Variants in SOX6 observed in about 807,000 individuals in gnomAD.
SOX6 encodes the protein transcription factor SOX-6.
SOX6 carries 11 observed loss-of-function variants against 97.8 expected under a neutral mutation model. The observed-to-expected ratio is 0.11, with a 90% CI of 0.07 to 0.19. SOX6 has a LOEUF of 0.19. Ranked by LOEUF, SOX6 falls within the 10% of genes least tolerant of loss-of-function variation. The pLI is 1.00. For synonymous variants in SOX6, 360 were observed against 371.4 expected (o/e 0.97, Z 0.35); for missense variants, 810 against 1,039.5 (o/e 0.78, Z 3.04).
At chr11:16,533,674 G>A (rs1234425760) in intron 4 of SOX6, among the ~76,000 whole-genome samples, 2 of 151,982 alleles carry the variant, frequency 1.3e-5, no homozygotes, top group Non-Finnish European at 1.5e-5. Flanking sequence ...TGGGATGCAC[G>A]TTTGAACAGG....
chr11:16,717,330 C>A (rs1480643090), intron 2 of SOX6, among the ~76,000 whole-genome samples: 1 of 152,022 alleles, frequency 6.6e-6, no homozygotes, highest in Non-Finnish European at 1.5e-5. Flanking sequence ...AAATTTAGAA[C>A]TTTCATATTA....
chr11:16,713,823 GCTA>G (rs1848198290), intron 3 of SOX6, among the ~76,000 whole-genome samples: 1 of 152,154 alleles, frequency 6.6e-6, no homozygotes, highest in African/African-American at 2.4e-5. Flanking sequence ...AAATCAGGCA[GCTA>G]CTAAATCATC....
chr11:16,521,140 C>A (rs1352308230), intron 4 of SOX6, among the ~76,000 whole-genome samples: 1 of 152,188 alleles, frequency 6.6e-6, no homozygotes, highest in Admixed American at 6.5e-5. Flanking sequence ...GTTCTCCCAG[C>A]ATGCAGCTGG....
intron 4 of SOX6, among the ~76,000 whole-genome samples, chr11:16,512,254 C>A (rs1434989727): frequency 2.6e-5 from 4 of 152,190 alleles, no homozygotes; most frequent in African/African-American, 9.7e-5. Flanking sequence ...TGGGGGATAT[C>A]TTAACTTTTT....
intron 3 of SOX6, among the ~76,000 whole-genome samples, chr11:16,258,157 GT>G (rs1853755366): frequency 6.6e-6 from 1 of 151,772 alleles, no homozygotes; most frequent in African/African-American, 2.4e-5. Context: ...CACTTTGGCA[GT>G]TTCTTATAAA....
intron 12 of SOX6, chr11:16,031,464 T>C (rs966870077): frequency 6.6e-6 from 1 of 152,204 alleles, no homozygotes; most frequent in Admixed American, 6.5e-5. Context: ...GGTTAATTCT[T>C]ATGCGGCTTT....
intron 3 of SOX6, among the ~76,000 whole-genome samples, chr11:16,689,145 T>C (rs1847992548): frequency 6.6e-6 from 1 of 152,218 alleles, no homozygotes; most frequent in Non-Finnish European, 1.5e-5. Flanking sequence ...ATTCTTTCCC[T>C]GGACGAGAAT....
At chr11:16,416,915 T>C (rs578047452) in intron 1 of SOX6, among the ~76,000 whole-genome samples, 3 of 152,176 alleles carry the variant, frequency 2.0e-5, no homozygotes, top group Non-Finnish European at 2.9e-5. Context: ...AAGTATTCCA[T>C]AGAACAATAC....
At chr11:16,386,518 T>C (rs1857991861) in intron 1 of SOX6, among the ~76,000 whole-genome samples, 1 of 152,126 alleles carries the variant, frequency 6.6e-6, no homozygotes, top group African/African-American at 2.4e-5. Context: ...TCCTATTTCC[T>C]GACACATATA....
chr11:16,507,350 G>T (rs898683040), intron 4 of SOX6, among the ~76,000 whole-genome samples: 3 of 152,030 alleles, frequency 2.0e-5, no homozygotes. Flanking sequence ...AAAGCAACCT[G>T]TAGAGTCAAT....
At chr11:16,701,215 G>A (rs940626233) in intron 3 of SOX6, among the ~76,000 whole-genome samples, 2 of 152,174 alleles carry the variant, frequency 1.3e-5, no homozygotes, top group Non-Finnish European at 2.9e-5. Flanking sequence ...CATAAAAAGC[G>A]TGGACTCAGA....
intron 3 of SOX6, among the ~76,000 whole-genome samples, chr11:16,641,808 A>C (rs1431115513): frequency 2.0e-5 from 3 of 150,884 alleles, no homozygotes; most frequent in Non-Finnish European, 4.4e-5. Context: ...GTCTCTGCAC[A>C]TGAGATGGGT....
intron 3 of SOX6, among the ~76,000 whole-genome samples, chr11:16,622,436 T>C (rs990208519): frequency 1.4e-5 from 2 of 145,714 alleles, no homozygotes; most frequent in East Asian, 3.9e-4. Flanking sequence ...CCCTTTTACC[T>C]GAGTTCCCAG....
chr11:16,239,011 C>T (rs1481497955), intron 3 of SOX6, among the ~76,000 whole-genome samples: 1 of 152,032 alleles, frequency 6.6e-6, no homozygotes, highest in Admixed American at 6.6e-5. Flanking sequence ...CCTTGGTTTA[C>T]AATTAAATCC....
At chr11:16,509,777 A>C (rs1043381597) in intron 4 of SOX6, among the ~76,000 whole-genome samples, 1 of 152,052 alleles carries the variant, frequency 6.6e-6, no homozygotes, top group African/African-American at 2.4e-5. Context: ...ACTTTCTGGC[A>C]AACATACACT....
chr11:16,532,179 TAA>T (rs1861245664), intron 4 of SOX6, among the ~76,000 whole-genome samples: 1 of 151,846 alleles, frequency 6.6e-6, no homozygotes, highest in Non-Finnish European at 1.5e-5. Context: ...TTCAAGGAAA[TAA>T]GAGATTTCCC....
chr11:16,523,059 T>C (rs1194106821), intron 4 of SOX6, among the ~76,000 whole-genome samples: 3 of 152,162 alleles, frequency 2.0e-5, no homozygotes, highest in Non-Finnish European at 2.9e-5. Flanking sequence ...ACTGTCAACA[T>C]TAGACAGATC....
chr11:15,991,309 C>A (rs920662631), intron 13 of SOX6, among the ~76,000 whole-genome samples: 2 of 152,112 alleles, frequency 1.3e-5, no homozygotes, highest in African/African-American at 2.4e-5. Context: ...ATGTTTATTG[C>A]GCAGTGAAAT....
chr11:16,527,731 A>G (rs1243174817), intron 4 of SOX6, among the ~76,000 whole-genome samples: 1 of 152,134 alleles, frequency 6.6e-6, no homozygotes, highest in Non-Finnish European at 1.5e-5. Context: ...TGTCCCAGAT[A>G]GGAGCTGCTC....
Sources: allele counts gnomAD v4.1 joint callset (sites outside exome capture counted in the v4.1 genomes callset), GRCh38; gene constraint gnomAD v4.1.1; transcripts MANE v1.5; gene names NCBI Gene and HGNC (gene_info 2026-07-23, HGNC 2026-07-21).